Variants in CTNNA3 observed in about 807,000 individuals in gnomAD.
CTNNA3 encodes the protein catenin alpha-3.
Under a neutral mutation model 95.7 loss-of-function variants are expected in CTNNA3, and 76 were observed. That is an observed-to-expected ratio of 0.79 (90% CI 0.66 to 0.96). The LOEUF (loss-of-function observed/expected upper bound fraction) is 0.96. Among genes scored for constraint, CTNNA3 ranks in the 40% least tolerant of loss-of-function variants. CTNNA3 has a pLI of 0.00. For missense variants in CTNNA3, 1,191 were observed against 1,089.8 expected (o/e 1.09, Z -1.31); for synonymous variants, 431 against 374.4 (o/e 1.15, Z -1.74).
At chr10:65,943,754 T>G (rs2077466520) in intron 17 of CTNNA3, among the ~76,000 whole-genome samples, 1 of 152,162 alleles carries the variant, frequency 6.6e-6, no homozygotes, top group South Asian at 2.1e-4. Context: ...CTTCCCCCAG[T>G]TTTATCTTAG....
intron 13 of CTNNA3, among the ~76,000 whole-genome samples, chr10:66,118,801 C>G (rs962334333): frequency 6.6e-6 from 1 of 152,074 alleles, no homozygotes; most frequent in Non-Finnish European, 1.5e-5. Context: ...AAAAGCATGC[C>G]ATATTCTATC....
In CTNNA3 at chr10:66,733,084, C is replaced by T. The variant is rs562856721; in HGVS notation, c.1281+33180G>A. Among the ~76,000 whole-genome samples the T allele has an allele frequency of 2.6e-5, 4 of 152,010 alleles. No homozygotes were observed. The South Asian group carries it at 8.3e-4, about 32-fold the overall frequency. ...GTGCTAGGATTACAAGTGTCAGCCA[C>T]CACACCTGGTCAAGTCATACCTTTT... On this transcript the variant is annotated intron_variant, in intron 9 of 17. Coordinates refer to ENST00000433211, the MANE Select transcript of CTNNA3 (RefSeq NM_013266.4).
In CTNNA3 at chr10:66,080,496, C is replaced by T. The variant is rs139223596; in HGVS notation, c.1978-11007G>A. 1.6e-4 allele frequency among the ~76,000 whole-genome samples: 24 copies of T among 152,204 alleles called. 1 individual carries two copies. Among genetic ancestry groups the T allele is most frequent in the African/African-American group, 5.3e-4 (22 of 41,534 alleles). ...TACAAAGTAAAATGACTTAACATTG[C>T]AATATCTCTGATTTTTACTTAAAGA... is the stretch of plus-strand genomic sequence containing the variant. On this transcript the variant is annotated intron_variant, in intron 14 of 17. Coordinates refer to ENST00000433211, the MANE Select transcript of CTNNA3 (RefSeq NM_013266.4).
At chr10:66,647,537 G>A (rs1283301354) in intron 9 of CTNNA3, among the ~76,000 whole-genome samples, 3 of 148,862 alleles carry the variant, frequency 2.0e-5, no homozygotes, top group African/African-American at 7.5e-5. Flanking sequence ...TTGAGACAGA[G>A]TCTTGCTCTG....
chr10:66,596,788 G>A (rs562948462), intron 10 of CTNNA3, among the ~76,000 whole-genome samples: 5 of 151,826 alleles, frequency 3.3e-5, no homozygotes, highest in Non-Finnish European at 7.4e-5. Flanking sequence ...TCAAAGAAAC[G>A]CAACACCACC....
intron 7 of CTNNA3, among the ~76,000 whole-genome samples, chr10:66,864,422 A>T (rs746810153): frequency 6.6e-5 from 10 of 152,136 alleles, no homozygotes; most frequent in Admixed American, 2.6e-4. Context: ...GGCCCTCATC[A>T]GAGGACAGCA....
chr10:66,005,426 T>A (rs960866556), intron 15 of CTNNA3, among the ~76,000 whole-genome samples: 1 of 152,234 alleles, frequency 6.6e-6, no homozygotes, highest in African/African-American at 2.4e-5. Context: ...CCAGTTATTT[T>A]TTAACATGAC....
intron 13 of CTNNA3, among the ~76,000 whole-genome samples, chr10:66,176,272 TAAAGA>T (rs2085708127): frequency 6.6e-6 from 1 of 152,100 alleles, no homozygotes; most frequent in African/African-American, 2.4e-5. Context: ...GGTCTGAAAG[TAAAGA>T]AAAGGAGAAA....
At chr10:67,134,198 A>G (rs988760891) in intron 7 of CTNNA3, among the ~76,000 whole-genome samples, 1 of 152,180 alleles carries the variant, frequency 6.6e-6, no homozygotes, top group East Asian at 1.9e-4. Context: ...TAAGTAAATT[A>G]AAGAATTCTG....
chr10:67,624,363 T>A (rs1453655441), intron 2 of CTNNA3, among the ~76,000 whole-genome samples: 1 of 152,136 alleles, frequency 6.6e-6, no homozygotes, highest in Non-Finnish European at 1.5e-5. Flanking sequence ...ACAAACTTTG[T>A]CCCAGGCCAC....
intron 11 of CTNNA3, among the ~76,000 whole-genome samples, chr10:66,381,081 A>G (rs537961115): frequency 3.9e-5 from 6 of 152,292 alleles, no homozygotes; most frequent in African/African-American, 1.2e-4. Flanking sequence ...GAAAAAAGAA[A>G]ATAAAGTCAA....
At chr10:66,999,389 T>C (rs1851551808) in intron 7 of CTNNA3, among the ~76,000 whole-genome samples, 1 of 152,100 alleles carries the variant, frequency 6.6e-6, no homozygotes, top group Admixed American at 6.6e-5. Context: ...AAAAAATATA[T>C]AATCAAGGAT....
At chr10:66,388,362 AT>A (rs1225644800) in intron 11 of CTNNA3, among the ~76,000 whole-genome samples, 1 of 152,208 alleles carries the variant, frequency 6.6e-6, no homozygotes, top group Non-Finnish European at 1.5e-5. Flanking sequence ...TGTACAAACT[AT>A]TTTTTCCCCA....
At chr10:66,654,097 T>C (rs1845997349) in intron 9 of CTNNA3, among the ~76,000 whole-genome samples, 1 of 151,846 alleles carries the variant, frequency 6.6e-6, no homozygotes, top group East Asian at 1.9e-4. Flanking sequence ...AAAGTGAAAA[T>C]AGACAAATGG....
At chr10:66,793,460 A>G (rs1216203416) in intron 7 of CTNNA3, among the ~76,000 whole-genome samples, 2 of 152,100 alleles carry the variant, frequency 1.3e-5, no homozygotes, top group Non-Finnish European at 2.9e-5. Flanking sequence ...AATTCCTACC[A>G]TGAAACTGGC....
chr10:66,543,864 T>C (rs1300050978), intron 10 of CTNNA3, among the ~76,000 whole-genome samples: 1 of 145,682 alleles, frequency 6.9e-6, no homozygotes. Flanking sequence ...ATTGCTAAAT[T>C]TTGCTTTTTC....
chr10:66,147,227 C>T (rs904502041), intron 13 of CTNNA3, among the ~76,000 whole-genome samples: 3 of 151,972 alleles, frequency 2.0e-5, no homozygotes, highest in African/African-American at 4.8e-5. Context: ...GTGAACTTAT[C>T]GGTAATATGA....
intron 7 of CTNNA3, among the ~76,000 whole-genome samples, chr10:67,048,103 T>G (rs1282492782): frequency 1.3e-5 from 2 of 152,110 alleles, no homozygotes; most frequent in Non-Finnish European, 2.9e-5. Context: ...TAATTTATTT[T>G]GTAAAAAGAA....
At chr10:66,785,781 G>A (rs576451173) in intron 7 of CTNNA3, among the ~76,000 whole-genome samples, 9 of 152,092 alleles carry the variant, frequency 5.9e-5, no homozygotes, top group South Asian at 4.2e-4. Flanking sequence ...TATCCTATTC[G>A]TTCTGTTTAT....
Sources: allele counts gnomAD v4.1 joint callset (sites outside exome capture counted in the v4.1 genomes callset), GRCh38; gene constraint gnomAD v4.1.1; transcripts MANE v1.5; gene names NCBI Gene and HGNC (gene_info 2026-07-23, HGNC 2026-07-21).